MTHFD1L: variants seen among roughly 807,000 people sequenced by gnomAD.
The protein encoded by MTHFD1L is methylenetetrahydrofolate dehydrogenase (NADP+ dependent) 1 like, also known as monofunctional C1-tetrahydrofolate synthase, mitochondrial.
Under a neutral mutation model 119.5 loss-of-function variants are expected in MTHFD1L, and 81 were observed. The ratio of observed to expected loss-of-function variants is 0.68; its 90% CI spans 0.57 to 0.82. MTHFD1L has a LOEUF of 0.82. MTHFD1L is among the 40% of genes least tolerant of loss of function. The pLI, the probability that MTHFD1L is intolerant of heterozygous loss-of-function variation, is 0.00. For synonymous variants in MTHFD1L, 430 were observed against 475.2 expected (o/e 0.90, Z 1.24); for missense variants, 1,125 against 1,253.4 (o/e 0.90, Z 1.55).
chr6:151,021,570 G>A (rs1783947572), intron 24 of MTHFD1L, among the ~76,000 whole-genome samples: 1 of 152,064 alleles, frequency 6.6e-6, no homozygotes, highest in South Asian at 2.1e-4. Context: ...ATGGAGGAAA[G>A]TAGTCAATCA....
rs182056368 is a variant in MTHFD1L, at chr6:150,952,819, C to T, written c.1727-3176C>T. ...CTGCGATTACAGGCGTGAGCCACCGCGTCCAGCAGATTGTTTCATCTTATG... is the reference window on the plus strand; with the variant it reads ...CTGCGATTACAGGCGTGAGCCACCGTGTCCAGCAGATTGTTTCATCTTATG... On this transcript the variant is annotated intron_variant, in intron 16 of 27. Coordinates refer to ENST00000367321, the MANE Select transcript of MTHFD1L (RefSeq NM_015440.5). 9.5e-4 allele frequency among the ~76,000 whole-genome samples: 145 copies of T among 152,320 alleles called. 1 individual carries two copies. Among genetic ancestry groups the T allele is most frequent in the African/African-American group, 2.6e-3 (107 of 41,568 alleles).
chr6:151,066,467 T>C (rs1303340764), intron 26 of MTHFD1L, among the ~76,000 whole-genome samples: 2 of 131,578 alleles, frequency 1.5e-5, no homozygotes, highest in African/African-American at 2.8e-5. Context: ...AAAAGAACCA[T>C]GGCAAAAGTG....
At chr6:151,062,940 G>T (rs565636781) in intron 26 of MTHFD1L, among the ~76,000 whole-genome samples, 13 of 152,060 alleles carry the variant, frequency 8.5e-5, no homozygotes, top group Non-Finnish European at 1.8e-4. Context: ...TGTAAATGTC[G>T]AGTTAATGGG....
chr6:150,870,030 A>G (rs1458464155), intron 1 of MTHFD1L, among the ~76,000 whole-genome samples: 2 of 152,204 alleles, frequency 1.3e-5, no homozygotes, highest in Non-Finnish European at 2.9e-5. Context: ...TTGGCCTCCC[A>G]AAGTGTTGGG....
intron 10 of MTHFD1L, among the ~76,000 whole-genome samples, chr6:150,923,652 A>T (rs1310428531): frequency 1.4e-5 from 2 of 147,492 alleles, no homozygotes; most frequent in East Asian, 4.0e-4. Flanking sequence ...TACAAGCATG[A>T]GCCACCGCAC....
At chr6:150,944,662 G>A (rs182149925) in intron 14 of MTHFD1L, 69 bp downstream of exon 14, 2 of 1,208,596 alleles carry the variant, frequency 1.7e-6, no homozygotes, top group Non-Finnish European at 2.4e-6. Context: ...TAAGGAGTTT[G>A]TGGAAAGAAT....
chr6:150,947,326 C>A (rs1217170328), intron 15 of MTHFD1L, among the ~76,000 whole-genome samples: 95 of 151,396 alleles, frequency 6.3e-4, no homozygotes, highest in Middle Eastern at 6.8e-3. Flanking sequence ...AACTCCTGAC[C>A]TCAGGTGATC....
intron 27 of MTHFD1L, among the ~76,000 whole-genome samples, chr6:151,100,631 G>A (rs1278431235): frequency 6.7e-6 from 1 of 148,698 alleles, no homozygotes; most frequent in Non-Finnish European, 1.5e-5. Flanking sequence ...GGACTTAAGT[G>A]TTGTTTTGTT....
intron 8 of MTHFD1L, among the ~76,000 whole-genome samples, chr6:150,908,747 A>C (rs1179080398): frequency 6.6e-6 from 1 of 152,116 alleles, no homozygotes; most frequent in Non-Finnish European, 1.5e-5. Context: ...CCATAATAGC[A>C]CATTTCTAAA....
intron 11 of MTHFD1L, among the ~76,000 whole-genome samples, chr6:150,933,910 C>G (rs1026749064): frequency 1.3e-5 from 2 of 152,216 alleles, no homozygotes; most frequent in Non-Finnish European, 2.9e-5. Context: ...AACCACTGCA[C>G]ACAGCCGGGT....
chr6:150,960,969 T>G (rs1434707111), intron 18 of MTHFD1L, among the ~76,000 whole-genome samples: 11 of 152,222 alleles, frequency 7.2e-5, no homozygotes, highest in Admixed American at 7.2e-4. Flanking sequence ...TGAGTAGTTG[T>G]GGTGCTTTCT....
At chr6:150,875,027 C>T (rs1045797339) in intron 1 of MTHFD1L, among the ~76,000 whole-genome samples, 4 of 150,872 alleles carry the variant, frequency 2.7e-5, no homozygotes, top group Non-Finnish European at 4.4e-5. Flanking sequence ...GGATTACAGG[C>T]GTGAGCCACC....
chr6:150,930,645 T>G (rs1024799073), intron 11 of MTHFD1L, among the ~76,000 whole-genome samples: 3 of 152,056 alleles, frequency 2.0e-5, no homozygotes, highest in Admixed American at 1.3e-4. Flanking sequence ...GTAACATAAA[T>G]CTTTTTCCAT....
chr6:150,884,707 A>G (rs1398215731), intron 5 of MTHFD1L, among the ~76,000 whole-genome samples: 2 of 152,222 alleles, frequency 1.3e-5, no homozygotes, highest in Non-Finnish European at 2.9e-5. Context: ...CCATTCTGTT[A>G]CTGAGATTGA....
intron 26 of MTHFD1L, among the ~76,000 whole-genome samples, chr6:151,047,175 T>G (rs1788221338): frequency 6.6e-6 from 1 of 152,186 alleles, no homozygotes; most frequent in Non-Finnish European, 1.5e-5. Context: ...GTCTAATTGA[T>G]AGGAAAAAGA....
chr6:150,980,790 C>T (rs1407074613), intron 20 of MTHFD1L, among the ~76,000 whole-genome samples: 1 of 151,700 alleles, frequency 6.6e-6, no homozygotes, highest in Admixed American at 6.6e-5. Flanking sequence ...TTGAAGTTCC[C>T]GTGGACCCTC....
chr6:150,867,134 CTCTT>C (rs1306505028), intron 1 of MTHFD1L, among the ~76,000 whole-genome samples: 1 of 152,116 alleles, frequency 6.6e-6, no homozygotes, highest in Non-Finnish European at 1.5e-5. Context: ...GTTTCCTAGG[CTCTT>C]TATTATGTGG....
rs1484460745 is a variant in MTHFD1L, at chr6:151,100,018, AT to A, written c.*32-1507del. 1,652 of 709,360 alleles carry A rather than the reference AT, an allele frequency of 2.3e-3. 29 individuals carry two copies. In the East Asian group the frequency reaches 0.039, roughly 17 times the overall value. The allele number at this position is 709,360 out of a possible 1,614,324, so 43.9% of individuals were successfully genotyped here. Reference sequence around the variant, plus strand: ...CTTTAAAAAAAAAGAAAAGAAAGAAATATTTTCTTTCTTTTCTTTTTTTTTT... The same window carrying A: ...CTTTAAAAAAAAAGAAAAGAAAGAAAATTTTCTTTCTTTTCTTTTTTTTTT... On this transcript the variant is annotated intron_variant, in intron 27 of 27. Coordinates refer to ENST00000367321, the MANE Select transcript of MTHFD1L (RefSeq NM_015440.5).
chr6:150,914,430 G>A (rs1423230487), intron 8 of MTHFD1L, among the ~76,000 whole-genome samples: 1 of 152,230 alleles, frequency 6.6e-6, no homozygotes, highest in Non-Finnish European at 1.5e-5. Context: ...GGCCAAGGCA[G>A]GAGGATTGCC....
Sources: gnomAD v4.1 joint callset for allele counts (sites outside exome capture counted in the v4.1 genomes callset) on GRCh38, gnomAD v4.1.1 for gene constraint, MANE v1.5 for transcripts, NCBI Gene and HGNC (gene_info 2026-07-23, HGNC 2026-07-21) for gene names.